Variants in ADARB1 observed in about 807,000 individuals in gnomAD.
The protein encoded by ADARB1 is double-stranded RNA-specific editase 1.
ADARB1 carries 10 observed loss-of-function variants against 52.4 expected under a neutral mutation model. That is an observed-to-expected ratio of 0.19 (90% CI 0.12 to 0.32). ADARB1 has a LOEUF of 0.32. Ranked by LOEUF, ADARB1 falls within the 10% of genes least tolerant of loss-of-function variation. The pLI is 1.00. For synonymous variants in ADARB1, 349 were observed against 371.1 expected, an observed-to-expected ratio of 0.94 and a Z score of 0.68; for missense variants, 643 against 922.3, an observed-to-expected ratio of 0.70 and a Z score of 3.92.
intron 2 of ADARB1, among the ~76,000 whole-genome samples, chr21:45,163,672 A>G (rs1261672520): frequency 6.6e-6 from 1 of 152,180 alleles, no homozygotes; most frequent in East Asian, 1.9e-4. Flanking sequence ...TTTCACCACA[A>G]TAGTAGCACA....
chr21:45,205,195 A>C (rs964197739), intron 9 of ADARB1, among the ~76,000 whole-genome samples: 3 of 152,170 alleles, frequency 2.0e-5, no homozygotes, highest in African/African-American at 7.2e-5. Flanking sequence ...CAGGAGGTCA[A>C]GGTTGCAGTA....
At chr21:45,096,275 T>C (rs1189124671) in intron 1 of ADARB1, among the ~76,000 whole-genome samples, 1 of 151,998 alleles carries the variant, frequency 6.6e-6, no homozygotes, top group Non-Finnish European at 1.5e-5. Context: ...CAGGAAAGAG[T>C]GCGTGAGTTG....
intron 1 of ADARB1, among the ~76,000 whole-genome samples, chr21:45,097,544 C>T (rs1011865756): frequency 5.3e-5 from 8 of 151,720 alleles, no homozygotes; most frequent in Non-Finnish European, 8.8e-5. Flanking sequence ...GGAGAGCAGA[C>T]GCCGAGGGGC....
At chr21:45,218,553 C>T (rs1175344069) in intron 9 of ADARB1, among the ~76,000 whole-genome samples, 1 of 152,220 alleles carries the variant, frequency 6.6e-6, no homozygotes, top group Non-Finnish European at 1.5e-5. Flanking sequence ...CCAGGGCTCA[C>T]TCTGTCTGCA....
chr21:45,081,620 G>A (rs1324881825), intron 1 of ADARB1, among the ~76,000 whole-genome samples: 1 of 152,184 alleles, frequency 6.6e-6, no homozygotes, highest in Non-Finnish European at 1.5e-5. Context: ...CGTCAGTCAA[G>A]GAGCACCTGT....
intron 1 of ADARB1, among the ~76,000 whole-genome samples, chr21:45,124,816 T>TGTGTGA (rs1366638948): frequency 2.7e-5 from 4 of 150,720 alleles, no homozygotes; most frequent in Admixed American, 2.0e-4. Flanking sequence ...TGTGTGTGTG[T>TGTGTGA]GACAGGGTCT....
chr21:45,185,055 G>T lies in ADARB1; in HGVS notation c.1529G>T (p.Arg510Leu). 6.2e-7 allele frequency: 1 copy of T among 1,614,208 alleles called. No homozygotes were observed. Among genetic ancestry groups the T allele is most frequent in the South Asian group, 1.1e-5 (1 of 91,088 alleles). ...TGGGACGGGGTGCTGCAAGGGGAGC[G>T]GCTGCTCACCATGTCCTGCAGTGAC... Reference protein sequence around the residue: ...QTWDGVLQGERLLTMSCSDKI... With the variant: ...QTWDGVLQGELLLTMSCSDKI... The change falls in exon 8 of 11, where the codon CGG (arginine) becomes CTG (leucine). Residue 510 changes from arginine to leucine, a missense_variant. This residue lies in a region of ADARB1 where 263 missense variants were observed against 475.8 expected (regional missense o/e 0.55). Transcript: ENST00000348831.
intron 2 of ADARB1, among the ~76,000 whole-genome samples, chr21:45,133,841 C>T (rs113442280): frequency 7.4e-6 from 1 of 134,594 alleles, no homozygotes; most frequent in Non-Finnish European, 1.6e-5. Context: ...GTGGTGTGTG[C>T]GCCCGCCGGG....
chr21:45,148,750 CCCT>C lies in ADARB1; in HGVS notation c.-48+20182_-48+20184del, dbSNP rs538741074. Among the ~76,000 whole-genome samples the C allele has an allele frequency of 1.7e-3, 256 of 152,316 alleles. 3 individuals carry two copies. In the Middle Eastern group the frequency reaches 0.017, roughly 10 times the overall value. Reference sequence around the variant, plus strand: ...GGCTCGGCTTTGCTCTAACATCCGCCCCTCCTCTGGGAGCGTTGTTTCTCTACT... The same window carrying C: ...GGCTCGGCTTTGCTCTAACATCCGCCCCTCTGGGAGCGTTGTTTCTCTACT... On this transcript the variant is annotated intron_variant, in intron 2 of 10. Transcript: ENST00000348831.
Position 45,151,208 on chromosome 21 carries a change from A to G in ADARB1, c.-47-20402A>G, listed in dbSNP as rs538685858. ...TCAGGGGTGGCTGAACTCTGCCGCT[A>G]CTAGGAGAAAGTGCAGCTCATATTC... On this transcript the variant is annotated intron_variant, in intron 2 of 10. Coordinates refer to ENST00000348831, the MANE Select transcript of ADARB1 (RefSeq NM_001112.4). 1.2e-4 allele frequency among the ~76,000 whole-genome samples: 18 copies of G among 152,396 alleles called. No homozygotes were observed. The South Asian group carries it at 3.3e-3, about 28-fold the overall frequency.
chr21:45,140,632 C>T (rs947587809), intron 2 of ADARB1, among the ~76,000 whole-genome samples: 1 of 152,066 alleles, frequency 6.6e-6, no homozygotes, highest in East Asian at 1.9e-4. Flanking sequence ...TGTGTGTGTG[C>T]GTGAGTGTAT....
At chr21:45,133,426 C>A (rs2089080052) in intron 2 of ADARB1, 2 of 153,092 alleles carry the variant, frequency 1.3e-5, no homozygotes, top group Admixed American at 1.3e-4. Context: ...CAGGGGTTTA[C>A]CTGATCAGGC....
rs1472008867 is a variant in ADARB1 at position 45,172,282 on chromosome 21, T to C, written c.28+598T>C. 6.6e-6 allele frequency among the ~76,000 whole-genome samples: 1 copy of C among 152,176 alleles called. No homozygotes were observed. Among genetic ancestry groups the C allele is most frequent in the South Asian group, 2.1e-4 (1 of 4,824 alleles). The stretch of plus-strand genomic sequence containing the variant: ...TTTCGGTGAAGGTACTTATCTCTTC[T>C]AGTTCATCTTCAGTCCCAGAAAACA... On this transcript the variant is annotated intron_variant, in intron 3 of 10. Coordinates refer to ENST00000348831, the MANE Select transcript of ADARB1 (RefSeq NM_001112.4). This position sits in a 1 kb window ranked among gnomAD's most constrained non-coding sequence, Gnocchi z 4.4.
intron 1 of ADARB1, among the ~76,000 whole-genome samples, chr21:45,109,214 T>C (rs1042224222): frequency 1.4e-4 from 20 of 147,138 alleles, no homozygotes; most frequent in East Asian, 9.9e-4. Context: ...TTTGCGCGCG[T>C]GTGTGCGCGC....
chr21:45,096,617 C>T (rs1400374364), intron 1 of ADARB1, among the ~76,000 whole-genome samples: 1 of 152,180 alleles, frequency 6.6e-6, no homozygotes, highest in Admixed American at 6.5e-5. Flanking sequence ...TGTACTTCCT[C>T]GAGGCCTCCC....
intron 6 of ADARB1, 38 bp from the exon 7 acceptor site, chr21:45,183,324 A>G (rs2091991852): frequency 6.4e-7 from 1 of 1,570,372 alleles, no homozygotes; most frequent in Non-Finnish European, 8.6e-7. Context: ...AACTATATAC[A>G]GCTTTAAATG....
intron 1 of ADARB1, among the ~76,000 whole-genome samples, chr21:45,115,514 A>T (rs1252259520): frequency 1.3e-5 from 2 of 152,244 alleles, no homozygotes; most frequent in African/African-American, 4.8e-5. Context: ...GATGCCATTT[A>T]CATCCCAGTC....
intron 1 of ADARB1, chr21:45,101,244 T>G (rs2086998480): frequency 6.6e-6 from 1 of 152,190 alleles, no homozygotes; most frequent in African/African-American, 2.4e-5. Flanking sequence ...GCCGTAGCGC[T>G]CCGGAGCTGG....
chr21:45,084,782 A>C (rs2086275687), intron 1 of ADARB1, among the ~76,000 whole-genome samples: 1 of 152,224 alleles, frequency 6.6e-6, no homozygotes, highest in Admixed American at 6.5e-5. Context: ...TACTTATGGC[A>C]GTGCACATAA....
Sources: allele counts gnomAD v4.1 joint callset (sites outside exome capture counted in the v4.1 genomes callset), GRCh38; gene constraint gnomAD v4.1.1; regional missense constraint gnomAD v4.1.1; non-coding constraint Gnocchi (gnomAD v3.1); transcripts MANE v1.5; gene names NCBI Gene and HGNC (gene_info 2026-07-23, HGNC 2026-07-21).